Variants in STXBP4 observed in about 807,000 individuals in gnomAD.
The protein encoded by STXBP4 is syntaxin-binding protein 4.
A neutral mutation model predicts 76.1 loss-of-function variants in STXBP4; 55 were observed. The ratio of observed to expected loss-of-function variants is 0.72; its 90% confidence interval spans 0.58 to 0.91. STXBP4 has a LOEUF of 0.91. STXBP4 is among the 40% of genes least tolerant of loss of function. The probability of loss-of-function intolerance (pLI) is 0.00; values close to 1 mark genes in which losing one functional copy is unlikely to be tolerated. For synonymous variants in STXBP4, 201 were observed against 220.2 expected, an observed-to-expected ratio of 0.91 and a Z score of 0.77; for missense variants, 618 against 636.9, an observed-to-expected ratio of 0.97 and a Z score of 0.32.
intron 1 of STXBP4, among the ~76,000 whole-genome samples, chr17:54,977,809 C>T (rs1824115591): frequency 6.6e-6 from 1 of 152,172 alleles, no homozygotes; most frequent in African/African-American, 2.4e-5. Flanking sequence ...TTTTGTGTCT[C>T]CTCAAGTATA....
the STXBP4 span, among the ~76,000 whole-genome samples, chr17:55,200,404 G>A: frequency 1.3e-5 from 2 of 152,150 alleles, no homozygotes; most frequent in African/African-American, 4.8e-5. Flanking sequence ...AAAGGAAGTG[G>A]AAACTTTCAA....
the STXBP4 span, among the ~76,000 whole-genome samples, chr17:55,200,212 T>G: frequency 6.6e-6 from 1 of 152,240 alleles, no homozygotes; most frequent in Non-Finnish European, 1.5e-5. Context: ...AGCACAGTGC[T>G]TTTTACTTAA....
intron 16 of STXBP4, among the ~76,000 whole-genome samples, chr17:55,088,225 C>T (rs1317627296): frequency 6.6e-6 from 1 of 152,128 alleles, no homozygotes; most frequent in Non-Finnish European, 1.5e-5. Flanking sequence ...ACAACCCCTC[C>T]CTCATTTTCT....
chr17:55,170,237 A>T lies in STXBP4; in HGVS notation c.*10326A>T, dbSNP rs1291456294. 6.6e-6 allele frequency: 1 copy of T among 152,208 alleles called. No individual in the cohort carries two copies. Among genetic ancestry groups the T allele is most frequent in the Non-Finnish European group, 1.5e-5 (1 of 68,014 alleles). 9.4% of individuals were successfully genotyped at this position (152,208 alleles called of 1,614,324 possible). On this transcript the variant is annotated 3_prime_UTR_variant, in exon 18 of 18. Coordinates refer to ENST00000376352, the MANE Select transcript of STXBP4 (RefSeq NM_178509.6). The stretch of plus-strand genomic sequence containing the variant: ...GGCTTATTAAAGCATGATTTAAAAT[A>T]GAAATGATTGCCTAAATTCCTGAAA...
intron 1 of STXBP4, among the ~76,000 whole-genome samples, chr17:54,974,629 T>G (rs113326227): frequency 3.3e-5 from 5 of 152,246 alleles, no homozygotes; most frequent in Non-Finnish European, 5.9e-5. Context: ...CCCTCACTTA[T>G]GATGTAGGAC....
intron 16 of STXBP4, among the ~76,000 whole-genome samples, chr17:55,105,397 G>A (rs1248757231): frequency 2.6e-5 from 4 of 151,810 alleles, no homozygotes; most frequent in African/African-American, 7.3e-5. Context: ...AGTCATCCAG[G>A]GGCAGGTTGT....
intron 11 of STXBP4, chr17:55,044,220 A>G (rs1312645696): frequency 6.6e-6 from 1 of 151,988 alleles, no homozygotes; most frequent in Non-Finnish European, 1.5e-5. Context: ...TTATATCCTA[A>G]TTTTTATAGA....
chr17:55,206,519 T>A, the STXBP4 span, among the ~76,000 whole-genome samples: 1 of 152,070 alleles, frequency 6.6e-6, no homozygotes, highest in South Asian at 2.1e-4. Flanking sequence ...TTCCTTTCTT[T>A]CCTCCTACCG....
intron 16 of STXBP4, among the ~76,000 whole-genome samples, chr17:55,088,677 G>A (rs1289523269): frequency 5.3e-5 from 8 of 152,142 alleles, no homozygotes; most frequent in South Asian, 4.1e-4. Context: ...GATTACAGGC[G>A]TGAGCCACCG....
intron 1 of STXBP4, among the ~76,000 whole-genome samples, chr17:54,981,874 T>TAA (rs1037465525): frequency 6.6e-6 from 1 of 151,892 alleles, no homozygotes; most frequent in Non-Finnish European, 1.5e-5. Context: ...GCAAAAGATG[T>TAA]AAAAAAAACA....
At chr17:55,199,377 T>G in the STXBP4 span, among the ~76,000 whole-genome samples, 1 of 152,246 alleles carries the variant, frequency 6.6e-6, no homozygotes, top group South Asian at 2.1e-4. Flanking sequence ...TCCAACAATG[T>G]GTTTTTCCCC....
chr17:54,999,730 A>C lies in STXBP4; in HGVS notation c.386A>C (p.Glu129Ala). 1 of 1,613,562 alleles carries C rather than the reference A, an allele frequency of 6.2e-7. No individual in the cohort carries two copies. Among genetic ancestry groups the C allele is most frequent in the Non-Finnish European group, 8.5e-7 (1 of 1,179,710 alleles). Residue 129 changes from glutamate (E) to alanine (A), a missense_variant, in exon 6 of 18, where the codon GAA (glutamate) becomes GCA (alanine). By Grantham distance (107) the Glu-to-Ala change is moderately radical. Transcript: ENST00000376352. ...ACATCACTTATAGAAGCTTCAGGAG[A>C]ATATGGACCTCAAGCCTCAACATTA... ...SCTSLIEASG[E>A]YGPQASTLSL...
chr17:55,069,799 C>G (rs569291233), intron 12 of STXBP4, among the ~76,000 whole-genome samples: 2 of 152,258 alleles, frequency 1.3e-5, no homozygotes, highest in East Asian at 1.9e-4. Flanking sequence ...ATTTAATTAA[C>G]TAGCATTCTT....
At chr17:55,125,986 C>T (rs1255990111) in intron 16 of STXBP4, among the ~76,000 whole-genome samples, 5 of 152,060 alleles carry the variant, frequency 3.3e-5, no homozygotes, top group South Asian at 2.1e-4. Flanking sequence ...AAATATAGGG[C>T]GCATTGCAAA....
chr17:55,110,023 A>G (rs982745032), intron 16 of STXBP4, among the ~76,000 whole-genome samples: 1 of 152,198 alleles, frequency 6.6e-6, no homozygotes, highest in Admixed American at 6.5e-5. Context: ...GACTAAAACC[A>G]AGGTGTCAGC....
At chr17:55,198,235 T>C in the STXBP4 span, among the ~76,000 whole-genome samples, 2 of 152,240 alleles carry the variant, frequency 1.3e-5, no homozygotes, top group Non-Finnish European at 2.9e-5. Flanking sequence ...TAATTTTCCA[T>C]CTGCCACACA....
chr17:55,095,213 T>A lies in STXBP4; in HGVS notation c.1489+14030T>A, dbSNP rs191725346. ...AAAATGCAAGGACTGCTTCTAAGAT[T>A]GTAGAAGGCATGAGTGGTAAAATAT... On this transcript the variant is annotated intron_variant, in intron 16 of 17. Transcript: ENST00000376352. 1.3e-3 allele frequency among the ~76,000 whole-genome samples: 200 copies of A among 152,322 alleles called. 1 individual carries two copies. The highest frequency in any genetic ancestry group is 4.4e-3 in the African/African-American group (181 of 41,576).
At chr17:54,987,487 C>T (rs933608069) in intron 3 of STXBP4, among the ~76,000 whole-genome samples, 1 of 152,118 alleles carries the variant, frequency 6.6e-6, no homozygotes, top group Non-Finnish European at 1.5e-5. Flanking sequence ...CCCTTCATAT[C>T]AGTTTATAAA....
At chr17:55,115,591 C>G (rs1488725571) in intron 16 of STXBP4, among the ~76,000 whole-genome samples, 1 of 151,790 alleles carries the variant, frequency 6.6e-6, no homozygotes, top group African/African-American at 2.4e-5. Context: ...TAACTATACC[C>G]TCTTTTTTAT....
Sources: allele counts gnomAD v4.1 joint callset (sites outside exome capture counted in the v4.1 genomes callset), GRCh38; gene constraint gnomAD v4.1.1; transcripts MANE v1.5; gene names NCBI Gene and HGNC (gene_info 2026-07-23, HGNC 2026-07-21).